Variants in DPY19L4 observed in about 807,000 individuals in gnomAD.
DPY19L4 encodes the protein probable C-mannosyltransferase DPY19L4.
Under a neutral mutation model 102.8 loss-of-function variants are expected in DPY19L4, and 97 were observed. That is an observed-to-expected ratio of 0.94 (90% confidence interval 0.80 to 1.12). DPY19L4 has a LOEUF of 1.12. Among genes scored for constraint, DPY19L4 ranks in the 50% most tolerant of loss-of-function variants. DPY19L4 has a pLI of 0.00. For synonymous variants in DPY19L4, 252 were observed against 283.1 expected (o/e 0.89, Z 1.10); for missense variants, 815 against 850.4 (o/e 0.96, Z 0.52).
intron 6 of DPY19L4, among the ~76,000 whole-genome samples, chr8:94,748,520 A>G (rs982025045): frequency 3.3e-5 from 5 of 152,192 alleles, no homozygotes; most frequent in African/African-American, 1.2e-4. Context: ...TCTTTAGAAC[A>G]GGGATTCCCA....
At chr8:94,733,604 C>T (rs145778628) in intron 2 of DPY19L4, among the ~76,000 whole-genome samples, 2,250 of 150,668 alleles carry the variant, frequency 0.015, 49 homozygotes, top group South Asian at 0.078. Flanking sequence ...TGCAGTGGCA[C>T]GCTCTCTGCT....
intron 7 of DPY19L4, among the ~76,000 whole-genome samples, chr8:94,757,039 A>G (rs773073848): frequency 5.3e-5 from 8 of 152,186 alleles, no homozygotes; most frequent in Non-Finnish European, 1.2e-4. Context: ...GAAAAAGAAT[A>G]ATGATTTAAA....
At chr8:94,783,528 GAATGA>G (rs1813523006) in intron 16 of DPY19L4, 137 bp from the exon 17 acceptor site, 3 of 1,206,996 alleles carry the variant, frequency 2.5e-6, no homozygotes, top group Non-Finnish European at 3.4e-6. Context: ...ATGAATCCAT[GAATGA>G]AATGAAATGA....
At chr8:94,740,141 G>A (rs958138348) in intron 6 of DPY19L4, among the ~76,000 whole-genome samples, 1 of 152,202 alleles carries the variant, frequency 6.6e-6, no homozygotes, top group Non-Finnish European at 1.5e-5. Flanking sequence ...AGCCCCTGAT[G>A]AAAACTGTAG....
Position 94,791,061 on chromosome 8 carries a change from G to A in DPY19L4, c.*1151G>A, listed in dbSNP as rs1813867283. On this transcript the variant is annotated 3_prime_UTR_variant, in exon 19 of 19. Coordinates refer to ENST00000414645, the MANE Select transcript of DPY19L4 (RefSeq NM_181787.3). Reference sequence around the variant, plus strand: ...TAATTTGGCCTTATAGAGAGATTCAGGATAGATGTAGCCTATAGATGTGTC... The same window carrying A: ...TAATTTGGCCTTATAGAGAGATTCAAGATAGATGTAGCCTATAGATGTGTC... 1 of 152,078 alleles carries A rather than the reference G, an allele frequency of 6.6e-6. No homozygotes were observed. Among genetic ancestry groups the A allele is most frequent in the African/African-American group, 2.4e-5 (1 of 41,434 alleles). The allele number at this position is 152,078 out of a possible 1,614,324, so 9.4% of individuals were successfully genotyped here.
intron 16 of DPY19L4, among the ~76,000 whole-genome samples, chr8:94,781,558 G>A (rs528807479): frequency 1.1e-4 from 17 of 152,286 alleles, no homozygotes; most frequent in Admixed American, 4.6e-4. Flanking sequence ...GACAGGAGAT[G>A]TGGTCTTAGG....
chr8:94,722,825 A>G (rs1586296692), intron 1 of DPY19L4, among the ~76,000 whole-genome samples: 1 of 152,292 alleles, frequency 6.6e-6, no homozygotes, highest in Middle Eastern at 3.4e-3. Flanking sequence ...CATCTTGCTT[A>G]CCATTCACAT....
chr8:94,778,967 G>T (rs1813307072), intron 14 of DPY19L4, among the ~76,000 whole-genome samples: 1 of 152,140 alleles, frequency 6.6e-6, no homozygotes. Context: ...TGGCTCTCAT[G>T]CTGTCAGCAG....
intron 6 of DPY19L4, chr8:94,744,203 G>A (rs1382647974): frequency 5.3e-6 from 2 of 380,296 alleles, no homozygotes; most frequent in South Asian, 2.0e-5. Context: ...ATGTTGGCTT[G>A]TACTGTGTCG....
At chr8:94,757,909 G>C (rs1261073032) in intron 7 of DPY19L4, among the ~76,000 whole-genome samples, 2 of 151,912 alleles carry the variant, frequency 1.3e-5, no homozygotes, top group Admixed American at 1.3e-4. Flanking sequence ...TCAGGAGTTC[G>C]AGACCAGCCT....
intron 6 of DPY19L4, among the ~76,000 whole-genome samples, chr8:94,748,463 A>G (rs1387153286): frequency 6.6e-6 from 1 of 152,086 alleles, no homozygotes; most frequent in East Asian, 1.9e-4. Flanking sequence ...TTAGAAAGTT[A>G]CCTTTCAAAA....
At chr8:94,762,801 T>C (rs780894419) in intron 8 of DPY19L4, among the ~76,000 whole-genome samples, 8 of 152,036 alleles carry the variant, frequency 5.3e-5, no homozygotes, top group Non-Finnish European at 1.0e-4. Context: ...TTGACCAGCC[T>C]GAGCAACATG....
At chr8:94,736,465 C>CT (rs1811193259) in intron 3 of DPY19L4, among the ~76,000 whole-genome samples, 1 of 152,078 alleles carries the variant, frequency 6.6e-6, no homozygotes, top group African/African-American at 2.4e-5. Context: ...CTACAGAATT[C>CT]TTTTTTGGTA....
intron 1 of DPY19L4, among the ~76,000 whole-genome samples, chr8:94,725,006 A>C (rs1810627413): frequency 1.4e-5 from 1 of 72,338 alleles, no homozygotes; most frequent in Non-Finnish European, 2.5e-5. Flanking sequence ...CTAAATGTAC[A>C]GCTTTTTTTT....
At chr8:94,779,117 A>G (rs1813314249) in intron 14 of DPY19L4, among the ~76,000 whole-genome samples, 1 of 152,134 alleles carries the variant, frequency 6.6e-6, no homozygotes, top group Non-Finnish European at 1.5e-5. Flanking sequence ...CAGAGTGGCT[A>G]GAAGTAATTG....
chr8:94,736,061 A>T (rs570794129), intron 3 of DPY19L4, among the ~76,000 whole-genome samples: 1 of 152,338 alleles, frequency 6.6e-6, no homozygotes, highest in South Asian at 2.1e-4. Context: ...AGATCAAGGC[A>T]TGGGCAGATT....
chr8:94,737,898 G>A (rs753968610), intron 3 of DPY19L4, among the ~76,000 whole-genome samples: 1 of 152,168 alleles, frequency 6.6e-6, no homozygotes, highest in Non-Finnish European at 1.5e-5. Flanking sequence ...TGCTGGCCAT[G>A]TGCCTGTAGT....
rs1813934393 is a variant in DPY19L4 at position 94,793,409 on chromosome 8, G to T, written c.*3499G>T. The T allele has an allele frequency of 6.7e-6, 1 of 150,052 alleles. No individual in the cohort carries two copies. Among genetic ancestry groups the T allele is most frequent in the South Asian group, 2.1e-4 (1 of 4,830 alleles). 9.3% of individuals were successfully genotyped at this position (150,052 alleles called of 1,614,324 possible). ...AGTGCCTCTCTTTATACAACTGATG[G>T]GGTTTTAAAAAGTGTAAATTGCCTT... On this transcript the variant is annotated 3_prime_UTR_variant, in exon 19 of 19. Coordinates refer to ENST00000414645, the MANE Select transcript of DPY19L4 (RefSeq NM_181787.3).
intron 10 of DPY19L4, 115 bp downstream of exon 10, chr8:94,765,924 T>G: frequency 1.5e-6 from 1 of 649,574 alleles, no homozygotes; most frequent in Non-Finnish European, 2.5e-6. Flanking sequence ...CAGTATAATT[T>G]TGAGTTAAAC....
Sources: gnomAD v4.1 joint callset for allele counts (sites outside exome capture counted in the v4.1 genomes callset) on GRCh38, gnomAD v4.1.1 for gene constraint, MANE v1.5 for transcripts, NCBI Gene and HGNC (gene_info 2026-07-23, HGNC 2026-07-21) for gene names.